Variants in TNFAIP8 observed in about 807,000 individuals in gnomAD.
The protein encoded by TNFAIP8 is TNF alpha induced protein 8.
In TNFAIP8, 7 loss-of-function variants were observed where a neutral mutation model predicts 13.3. That is an observed-to-expected ratio of 0.52 (90% confidence interval 0.30 to 0.99). TNFAIP8 has a LOEUF of 0.99. Among genes scored for constraint, TNFAIP8 ranks in the 50% least tolerant of loss-of-function variants. TNFAIP8 has a pLI of 0.07. For missense variants in TNFAIP8, 258 were observed against 236.9 expected (o/e 1.09, Z -0.58); for synonymous variants, 94 against 87.6 (o/e 1.07, Z -0.41).
At chr5:119,383,339 T>G (rs539789059) in intron 1 of TNFAIP8, among the ~76,000 whole-genome samples, 10 of 152,348 alleles carry the variant, frequency 6.6e-5, no homozygotes, top group Non-Finnish European at 1.5e-4. Context: ...CAGCACTGTT[T>G]CCAAAAGTAT....
At chr5:119,352,818 C>G (rs1367470143), upstream of TNFAIP8, among the ~76,000 whole-genome samples, 3 of 152,138 alleles carry the variant, frequency 2.0e-5, no homozygotes, top group African/African-American at 4.8e-5. Flanking sequence ...TCCTTAGAAC[C>G]AAGGTGACTT....
intron 1 of TNFAIP8, among the ~76,000 whole-genome samples, chr5:119,388,041 A>G (rs1198472974): frequency 1.3e-5 from 2 of 152,226 alleles, no homozygotes; most frequent in Non-Finnish European, 2.9e-5. Context: ...TTCCCAGGAC[A>G]TGCCTTAGGT....
intron 1 of TNFAIP8, among the ~76,000 whole-genome samples, chr5:119,364,428 C>T (rs891376856): frequency 5.3e-5 from 8 of 152,086 alleles, no homozygotes; most frequent in Admixed American, 3.3e-4. Flanking sequence ...AGTGCAGTGG[C>T]GGGGTCATAG....
chr5:119,387,452 T>C (rs1199979443), intron 1 of TNFAIP8, among the ~76,000 whole-genome samples: 1 of 152,096 alleles, frequency 6.6e-6, no homozygotes, highest in Admixed American at 6.5e-5. Flanking sequence ...TGTTAAAGAG[T>C]CCCAAGTATA....
rs1367601039 is a variant in TNFAIP8 at position 119,300,414 on chromosome 5, A to G, written c.1+31507A>G. On this transcript the variant is annotated intron_variant, in intron 1 of 1. Transcript: ENST00000274456. The stretch of plus-strand genomic sequence containing the variant: ...TTTACTGCTTTACAGGAGAATCTTC[A>G]ATCTTTAAAAAGTAGACCATCTAAA... Among the ~76,000 whole-genome samples the G allele has an allele frequency of 2.0e-5, 3 of 152,234 alleles. No individual in the cohort carries two copies. In the East Asian group the frequency reaches 5.8e-4, roughly 29 times the overall value.
chr5:119,325,382 G>A (rs571406624), intron 1 of TNFAIP8, among the ~76,000 whole-genome samples: 1 of 151,946 alleles, frequency 6.6e-6, no homozygotes, highest in African/African-American at 2.4e-5. Context: ...GTCCTATATG[G>A]TCTACATATT....
intron 1 of TNFAIP8, among the ~76,000 whole-genome samples, chr5:119,337,723 C>A (rs1750601046): frequency 6.6e-6 from 1 of 152,222 alleles, no homozygotes; most frequent in African/African-American, 2.4e-5. Context: ...TTCTCCAGTT[C>A]CTGTTTACCA....
intron 1 of TNFAIP8, among the ~76,000 whole-genome samples, chr5:119,378,255 A>G (rs1752355398): frequency 1.3e-5 from 2 of 152,214 alleles, no homozygotes; most frequent in African/African-American, 4.8e-5. Context: ...GGTAACAACC[A>G]CTTCACAGAG....
chr5:119,291,189 T>C (rs187099880), intron 1 of TNFAIP8, among the ~76,000 whole-genome samples: 5 of 152,378 alleles, frequency 3.3e-5, no homozygotes, highest in Admixed American at 6.5e-5. Flanking sequence ...ACTTTTCGTG[T>C]ATTTATCTTG....
chr5:119,274,029 GTTTT>G (rs563410700), intron 1 of TNFAIP8, among the ~76,000 whole-genome samples: 1 of 152,022 alleles, frequency 6.6e-6, no homozygotes, highest in Admixed American at 6.5e-5. Context: ...ACAAAATGAG[GTTTT>G]TTGTTTGTTT....
intron 1 of TNFAIP8, among the ~76,000 whole-genome samples, chr5:119,278,374 AGAGTGTGTGTGTGTGT>A (rs1748523454): frequency 1.1e-4 from 13 of 123,116 alleles, no homozygotes; most frequent in African/African-American, 4.9e-4. Flanking sequence ...AGAGAGAGAG[AGAGTGTGTGTGTGTGT>A]GTGTGTGTGT....
intron 1 of TNFAIP8, among the ~76,000 whole-genome samples, chr5:119,298,777 C>T (rs561407764): frequency 8.5e-5 from 13 of 152,078 alleles, no homozygotes; most frequent in Non-Finnish European, 1.6e-4. Flanking sequence ...TTCACATAGT[C>T]CCATATTTCT....
At position 119,392,916 on chromosome 5, in the gene TNFAIP8, C is replaced by T. The variant is rs750049177; in HGVS notation, c.132C>T (p.Asp44=). 26 of 1,601,878 alleles carry T rather than the reference C, an allele frequency of 1.6e-5. No homozygotes were observed. The highest frequency in any genetic ancestry group is 4.5e-5 in the South Asian group (4 of 89,068). ...VSKSIATTLI[D]DTSSEVLDEL... is the part of the protein sequence containing the mutation. The stretch of plus-strand genomic sequence containing the variant: ...AATCCATCGCCACCACCTTAATAGA[C>T]GACACAAGTAGTGAGGTGCTGGATG... The change falls in exon 2 of 2, where the codon GAC becomes GAT. Residue 44 remains aspartate, a synonymous_variant. Coordinates refer to ENST00000504771, the MANE Select transcript of TNFAIP8 (RefSeq NM_014350.4).
intron 1 of TNFAIP8, among the ~76,000 whole-genome samples, chr5:119,334,624 C>CGTGTGTGTGTGTGTGTGTGTGTGT (rs59714206): frequency 7.4e-6 from 1 of 135,694 alleles, no homozygotes; most frequent in African/African-American, 2.8e-5. Context: ...GTGATCCTTT[C>CGTGTGTGTGTGTGTGTGTGTGTGT]GTGTGTGTGT....
At chr5:119,370,403 A>G (rs1368009120) in intron 1 of TNFAIP8, among the ~76,000 whole-genome samples, 4 of 152,240 alleles carry the variant, frequency 2.6e-5, no homozygotes, top group Non-Finnish European at 5.9e-5. Flanking sequence ...TTTAACAACT[A>G]AAATCCCAGC....
At position 119,332,561 on chromosome 5, in the gene TNFAIP8, AC is replaced by A. The variant is rs1750419501; in HGVS notation, c.2-60254del. 3.3e-5 allele frequency among the ~76,000 whole-genome samples: 5 copies of A among 152,330 alleles called. No individual in the cohort carries two copies. The South Asian group carries it at 8.3e-4, about 25-fold the overall frequency. ...CATGTAGGGAGAGTAAGATAGATAA[AC>A]AACTGAAGATAATATAAGGACAGCT... On this transcript the variant is annotated intron_variant, in intron 1 of 1. Coordinates refer to the TNFAIP8 transcript ENST00000274456.
At chr5:119,313,922 G>A (rs1318136939) in intron 1 of TNFAIP8, among the ~76,000 whole-genome samples, 1 of 152,196 alleles carries the variant, frequency 6.6e-6, no homozygotes, top group Non-Finnish European at 1.5e-5. Context: ...TATTCACTAG[G>A]CATTCATGTG....
intron 1 of TNFAIP8, among the ~76,000 whole-genome samples, chr5:119,383,496 A>G (rs935869648): frequency 1.3e-5 from 2 of 152,228 alleles, no homozygotes; most frequent in Admixed American, 6.5e-5. Context: ...AACAAAGGTC[A>G]TAGCCCGTAT....
chr5:119,318,873 A>G (rs574291939), intron 1 of TNFAIP8, among the ~76,000 whole-genome samples: 122 of 152,298 alleles, frequency 8.0e-4, no homozygotes, highest in Admixed American at 1.6e-3. Context: ...TATTTGAGAC[A>G]CTAAGCCAGT....
Sources: allele counts gnomAD v4.1 joint callset (sites outside exome capture counted in the v4.1 genomes callset), GRCh38; gene constraint gnomAD v4.1.1; transcripts MANE v1.5; gene names NCBI Gene and HGNC (gene_info 2026-07-23, HGNC 2026-07-21).